HEPHL1: variants seen among roughly 807,000 people sequenced by gnomAD.
The protein encoded by HEPHL1 is ferroxidase HEPHL1.
Under a neutral mutation model 122.0 loss-of-function variants are expected in HEPHL1, and 123 were observed. That is an observed-to-expected ratio of 1.01 (90% confidence interval 0.87 to 1.17). The LOEUF (loss-of-function observed/expected upper bound fraction) is 1.17, where lower values mean the gene tolerates loss of function less well. Among genes scored for constraint, HEPHL1 ranks in the 50% most tolerant of loss-of-function variants. HEPHL1 has a pLI of 0.00. For missense variants in HEPHL1, 1,452 were observed against 1,430.5 expected, an observed-to-expected ratio of 1.01 and a Z score of -0.24; for synonymous variants, 527 against 508.9, an observed-to-expected ratio of 1.04 and a Z score of -0.48.
chr11:94,085,081 G>C (rs577259508), intron 10 of HEPHL1, among the ~76,000 whole-genome samples: 5 of 152,264 alleles, frequency 3.3e-5, no homozygotes, highest in African/African-American at 9.6e-5. Context: ...AGAGCAGGAG[G>C]GGGGTAGAAA....
At chr11:94,073,968 G>C (rs1376431846) in intron 8 of HEPHL1, among the ~76,000 whole-genome samples, 1 of 152,098 alleles carries the variant, frequency 6.6e-6, no homozygotes, top group African/African-American at 2.4e-5. Context: ...ACATGGCATA[G>C]GTTCTCTAAA....
intron 17 of HEPHL1, among the ~76,000 whole-genome samples, chr11:94,109,073 T>C (rs1469773842): frequency 6.6e-6 from 1 of 152,154 alleles, no homozygotes; most frequent in Non-Finnish European, 1.5e-5. Flanking sequence ...AGATCTTGCA[T>C]ATACTTTGTT....
chr11:94,108,013 C>T (rs539312686), intron 17 of HEPHL1, among the ~76,000 whole-genome samples: 35 of 152,256 alleles, frequency 2.3e-4, no homozygotes, highest in Middle Eastern at 3.4e-3. Flanking sequence ...AGGAAATATA[C>T]GAGAACTCCA....
chr11:94,025,782 T>C (rs1048506206), intron 1 of HEPHL1, among the ~76,000 whole-genome samples: 1 of 152,152 alleles, frequency 6.6e-6, no homozygotes, highest in Non-Finnish European at 1.5e-5. Context: ...TTTTGTGAGC[T>C]TTGAAATAAA....
In HEPHL1 at chr11:94,071,519, C is replaced by A. The variant is rs138873042; in HGVS notation, c.1232+977C>A. Among the ~76,000 whole-genome samples the A allele has an allele frequency of 1.9e-3, 282 of 152,172 alleles. 2 individuals are homozygous for A. The East Asian group carries it at 0.02, about 11-fold the overall frequency. Reference sequence around the variant, plus strand: ...TTAGCATTCAAAATTGTCTTAGGAGCCTTCTAGAATTCTGAAGTGCCTTCT... The same window carrying A: ...TTAGCATTCAAAATTGTCTTAGGAGACTTCTAGAATTCTGAAGTGCCTTCT... On this transcript the variant is annotated intron_variant, in intron 6 of 19. Coordinates refer to ENST00000315765, the MANE Select transcript of HEPHL1 (RefSeq NM_001098672.2).
At chr11:94,033,700 G>A (rs550559861) in intron 1 of HEPHL1, among the ~76,000 whole-genome samples, 2 of 152,252 alleles carry the variant, frequency 1.3e-5, no homozygotes, top group African/African-American at 4.8e-5. Flanking sequence ...CCCAGCTTTA[G>A]CTTGCCAATA....
intron 13 of HEPHL1, among the ~76,000 whole-genome samples, chr11:94,097,746 G>A (rs1946330168): frequency 6.6e-6 from 1 of 152,192 alleles, no homozygotes; most frequent in Non-Finnish European, 1.5e-5. Flanking sequence ...TCTTCTTGTT[G>A]AATTGATCCC....
chr11:94,094,628 G>A (rs1396515594), intron 13 of HEPHL1, among the ~76,000 whole-genome samples: 1 of 152,186 alleles, frequency 6.6e-6, no homozygotes, highest in East Asian at 1.9e-4. Context: ...GTGTAAAAGT[G>A]TTCCTATTTC....
intron 17 of HEPHL1, among the ~76,000 whole-genome samples, chr11:94,106,675 G>A (rs1403090951): frequency 2.6e-5 from 4 of 152,130 alleles, no homozygotes; most frequent in Non-Finnish European, 5.9e-5. Flanking sequence ...TTTCTCATTA[G>A]TGATCTGGGG....
At chr11:94,093,188 C>T (rs187648666) in intron 12 of HEPHL1, among the ~76,000 whole-genome samples, 2 of 151,916 alleles carry the variant, frequency 1.3e-5, no homozygotes, top group Admixed American at 6.6e-5. Context: ...AAGAGAGGCG[C>T]AACCTCAAAG....
intron 1 of HEPHL1, among the ~76,000 whole-genome samples, chr11:94,027,642 A>G (rs1007349117): frequency 6.6e-6 from 1 of 152,206 alleles, no homozygotes; most frequent in African/African-American, 2.4e-5. Flanking sequence ...AGCAGAGGAA[A>G]CTGGTTCAGA....
chr11:94,093,539 T>C lies in HEPHL1; in HGVS notation c.2333T>C (p.Ile778Thr), dbSNP rs1430171449. 4.3e-6 allele frequency: 7 copies of C among 1,613,488 alleles called. No homozygotes were observed. The highest frequency in any genetic ancestry group is 5.9e-6 in the Non-Finnish European group (7 of 1,179,754). The change falls in exon 13 of 20, where the codon ATT becomes ACT. Residue 778 changes from isoleucine to threonine, a missense_variant. By Grantham distance (89) the Ile-to-Thr change is moderately conservative. Transcript: ENST00000315765. ...DIFMNRTENWIGSQYKKVVYR... is the reference protein window; with the variant it reads ...DIFMNRTENWTGSQYKKVVYR... Reference sequence around the variant, plus strand: ...TTTATGAACCGCACTGAAAATTGGATTGGCTCTCAGTACAAGAAGGTGGTT... The same window carrying C: ...TTTATGAACCGCACTGAAAATTGGACTGGCTCTCAGTACAAGAAGGTGGTT...
chr11:94,088,784 C>A lies in HEPHL1; in HGVS notation c.2110C>A (p.Pro704Thr). 3 of 1,613,806 alleles carry A rather than the reference C, an allele frequency of 1.9e-6. No homozygotes were observed. Among genetic ancestry groups the A allele is most frequent in the East Asian group, 4.5e-5 (2 of 44,884 alleles). Residue 704 changes from proline (P) to threonine (T), a missense_variant, in exon 12 of 20, where the codon CCC (proline) becomes ACC (threonine). Coordinates refer to ENST00000315765, the MANE Select transcript of HEPHL1 (RefSeq NM_001098672.2). The part of the protein sequence containing the change: ...GIFRVFCATM[P>T]HLSRGMGQIY... ...TTTTAGGGTGTTTTGTGCCACCATG[C>A]CCCACCTCTCGAGAGGCATGGGTCA...
At chr11:94,058,713 T>A (rs1945960875) in intron 2 of HEPHL1, among the ~76,000 whole-genome samples, 1 of 152,090 alleles carries the variant, frequency 6.6e-6, no homozygotes, top group Admixed American at 6.5e-5. Context: ...TATTGTTTTT[T>A]AAATTTTATT....
intron 12 of HEPHL1, among the ~76,000 whole-genome samples, chr11:94,090,373 A>T (rs1381949793): frequency 6.6e-6 from 1 of 152,242 alleles, no homozygotes; most frequent in African/African-American, 2.4e-5. Flanking sequence ...CCATGAATGT[A>T]TAAAAATATA....
Position 94,111,616 on chromosome 11 carries a change from C to T in HEPHL1, c.3277+11C>T. On this transcript the variant is annotated intron_variant, in intron 19 of 19. Coordinates refer to ENST00000315765, the MANE Select transcript of HEPHL1 (RefSeq NM_001098672.2). Reference sequence around the variant, plus strand: ...CGGTGCCATCTAACGGTAATGATACCCTCTCCCCATGTAAATGAGTCAACA... The same window carrying T: ...CGGTGCCATCTAACGGTAATGATACTCTCTCCCCATGTAAATGAGTCAACA... 6.2e-7 allele frequency: 1 copy of T among 1,606,948 alleles called. No individual in the cohort carries two copies. The highest frequency in any genetic ancestry group is 1.3e-5 in the African/African-American group (1 of 74,844).
At chr11:94,085,102 T>C (rs192690615) in intron 10 of HEPHL1, among the ~76,000 whole-genome samples, 167 of 152,256 alleles carry the variant, frequency 1.1e-3, no homozygotes, top group Middle Eastern at 3.4e-3. Flanking sequence ...TATTTATTTC[T>C]CCAAGAAACA....
intron 15 of HEPHL1, among the ~76,000 whole-genome samples, chr11:94,104,186 C>A (rs1202558417): frequency 6.6e-6 from 1 of 152,040 alleles, no homozygotes; most frequent in Non-Finnish European, 1.5e-5. Flanking sequence ...TTGAGAGTCC[C>A]ATTTGGCTAT....
Position 94,104,551 on chromosome 11 carries a change from T to C in HEPHL1, c.2706T>C (p.Gly902=), listed in dbSNP as rs1393353542. The part of the protein sequence containing the change: ...FVKDTYSGLM[G]PLITCRKGVL... ...AGGATACGTATAGTGGTTTGATGGG[T>C]CCTCTGATTACATGCCGAAAAGGAG... The change falls in exon 16 of 20, where the codon GGT becomes GGC. Residue 902 remains glycine, a synonymous_variant. Coordinates refer to ENST00000315765, the MANE Select transcript of HEPHL1 (RefSeq NM_001098672.2). The C allele has an allele frequency of 2.5e-6, 4 of 1,613,340 alleles. No individual in the cohort carries two copies. Among genetic ancestry groups the C allele is most frequent in the African/African-American group, 2.7e-5 (2 of 75,030 alleles).
Sources: gnomAD v4.1 joint callset for allele counts (sites outside exome capture counted in the v4.1 genomes callset) on GRCh38, gnomAD v4.1.1 for gene constraint, MANE v1.5 for transcripts, NCBI Gene and HGNC (gene_info 2026-07-23, HGNC 2026-07-21) for gene names.